The following CNTN5 variants were observed in gnomAD, a reference collection of about 807,000 sequenced individuals.
CNTN5 encodes contactin-5.
In CNTN5, 77 loss-of-function variants were observed where a neutral mutation model predicts 129.1. The observed-to-expected ratio is 0.60, with a 90% CI of 0.50 to 0.72. The LOEUF is 0.72. Ranked by LOEUF, CNTN5 falls within the 30% of genes least tolerant of loss-of-function variation. The pLI, the probability that CNTN5 is intolerant of heterozygous loss-of-function variation, is 0.00. For missense variants in CNTN5, 1,478 were observed against 1,328.8 expected, an observed-to-expected ratio of 1.11 and a Z score of -1.75; for synonymous variants, 509 against 465.6, an observed-to-expected ratio of 1.09 and a Z score of -1.20.
chr11:99,785,035 G>C (rs188912866), intron 3 of CNTN5, among the ~76,000 whole-genome samples: 2 of 131,532 alleles, frequency 1.5e-5, no homozygotes, highest in African/African-American at 5.5e-5. Context: ...TCCTGACCTC[G>C]TGATCCGCCT....
intron 4 of CNTN5, among the ~76,000 whole-genome samples, chr11:99,839,372 G>A (rs1460825940): frequency 2.6e-5 from 4 of 152,060 alleles, no homozygotes; most frequent in African/African-American, 7.2e-5. Flanking sequence ...AGAACATATC[G>A]AAGGAGGCAG....
At chr11:99,755,290 C>T (rs150636841) in intron 3 of CNTN5, among the ~76,000 whole-genome samples, 34 of 152,200 alleles carry the variant, frequency 2.2e-4, no homozygotes, top group African/African-American at 8.2e-4. Context: ...AACTTTGTAA[C>T]AATTGACAGA....
intron 1 of CNTN5, among the ~76,000 whole-genome samples, chr11:99,047,988 C>G (rs1409793644): frequency 6.6e-6 from 1 of 151,210 alleles, no homozygotes; most frequent in South Asian, 2.1e-4. Context: ...TTTTTCATTT[C>G]TTTTCATGAA....
intron 6 of CNTN5, among the ~76,000 whole-genome samples, chr11:99,851,969 T>G (rs1237654653): frequency 1.3e-5 from 2 of 152,184 alleles, no homozygotes; most frequent in Non-Finnish European, 2.9e-5. Flanking sequence ...AATCCCAAAC[T>G]CCACAGTATA....
chr11:99,823,914 G>A (rs1372552323), intron 4 of CNTN5, among the ~76,000 whole-genome samples: 3 of 151,962 alleles, frequency 2.0e-5, no homozygotes, highest in African/African-American at 4.8e-5. Context: ...TTGTGTCAAT[G>A]ATACTGTGTA....
intron 6 of CNTN5, among the ~76,000 whole-genome samples, chr11:99,850,012 C>G (rs10894005): frequency 1.3e-5 from 2 of 151,754 alleles, no homozygotes; most frequent in African/African-American, 4.8e-5. Context: ...ACCTATGTAA[C>G]AAAAATTAAT....
intron 13 of CNTN5, among the ~76,000 whole-genome samples, chr11:100,130,362 G>A (rs776131816): frequency 2.0e-5 from 3 of 152,072 alleles, no homozygotes; most frequent in Admixed American, 6.6e-5. Context: ...CACAACAGAC[G>A]TAGTCCCTGC....
chr11:99,881,590 T>A (rs1048463643), intron 6 of CNTN5, among the ~76,000 whole-genome samples: 3 of 152,174 alleles, frequency 2.0e-5, no homozygotes, highest in Non-Finnish European at 2.9e-5. Context: ...TTAAACATTT[T>A]AAAAACTTGA....
At chr11:99,338,959 ATG>A (rs1367772867) in intron 2 of CNTN5, among the ~76,000 whole-genome samples, 2 of 118,132 alleles carry the variant, frequency 1.7e-5, no homozygotes, top group Admixed American at 9.1e-5. Context: ...TGTGATATAT[ATG>A]TGTGTGTTTG....
chr11:100,177,018 G>A (rs1022783260), intron 13 of CNTN5, among the ~76,000 whole-genome samples: 1 of 151,980 alleles, frequency 6.6e-6, no homozygotes, highest in Non-Finnish European at 1.5e-5. Flanking sequence ...CTGCTGAAGA[G>A]TATGTTATCT....
At chr11:99,998,164 G>T (rs1187360920) in intron 8 of CNTN5, among the ~76,000 whole-genome samples, 1 of 151,766 alleles carries the variant, frequency 6.6e-6, no homozygotes, top group Non-Finnish European at 1.5e-5. Context: ...GGGCAATCAG[G>T]CAGGAGAAGG....
intron 7 of CNTN5, among the ~76,000 whole-genome samples, chr11:99,934,928 A>G (rs868454622): frequency 0.023 from 1,955 of 84,408 alleles, 77 homozygotes; most frequent in Middle Eastern, 0.05. Flanking sequence ...ATATATATAT[A>G]TATATATATA....
rs112678820 is a variant in CNTN5, at chr11:100,126,130, T to C, written c.1580+51836T>C. 6.2e-3 allele frequency among the ~76,000 whole-genome samples: 945 copies of C among 152,280 alleles called. 8 individuals carry two copies. The highest frequency in any genetic ancestry group is 0.02 in the African/African-American group (830 of 41,574). ...GTGGTTTTAAAAGATCTTCTTGGTA[T>C]TGGTTTACAGTTGTATTCCACTGTG... On this transcript the variant is annotated intron_variant, in intron 13 of 24. Coordinates refer to ENST00000524871, the MANE Select transcript of CNTN5 (RefSeq NM_014361.4).
At position 99,750,476 on chromosome 11, in the gene CNTN5, A is replaced by C. The variant is rs561365569; in HGVS notation, c.56-69068A>C. ...ACAAGTTTTATGAATTCCAGGAATA[A>C]TGTGTTTAAAGTTTAAGAAATTTGA... On this transcript the variant is annotated intron_variant, in intron 3 of 24. Coordinates refer to ENST00000524871, the MANE Select transcript of CNTN5 (RefSeq NM_014361.4). Among the ~76,000 whole-genome samples the C allele has an allele frequency of 3.9e-5, 6 of 152,094 alleles. No individual in the cohort carries two copies. The South Asian group carries it at 1.2e-3, about 32-fold the overall frequency.
intron 2 of CNTN5, among the ~76,000 whole-genome samples, chr11:99,505,208 G>C (rs1946572660): frequency 6.6e-6 from 1 of 151,966 alleles, no homozygotes; most frequent in South Asian, 2.1e-4. Context: ...TTAAAGAATG[G>C]GTGACCATTT....
chr11:99,819,647 A>T lies in CNTN5; in HGVS notation c.159A>T (p.Arg53=). 1 of 1,613,044 alleles carries T rather than the reference A, an allele frequency of 6.2e-7. No individual in the cohort carries two copies. The highest frequency in any genetic ancestry group is 8.5e-7 in the Non-Finnish European group (1 of 1,179,830). The change falls in exon 4 of 25, where the codon CGA becomes CGT. Residue 53 remains arginine, a synonymous_variant. Transcript: ENST00000524871. Reference sequence around the variant, plus strand: ...TCTTTGGTTCCAAAACCAGACCACGATACAGCAGCCCTTCATTAGGAACAC... The same window carrying T: ...TCTTTGGTTCCAAAACCAGACCACGTTACAGCAGCCCTTCATTAGGAACAC... ...SSLFGSKTRP[R]YSSPSLGTLS... is the part of the protein sequence containing the mutation.
intron 2 of CNTN5, among the ~76,000 whole-genome samples, chr11:99,406,399 GTC>G (rs138667399): frequency 6.7e-5 from 10 of 149,968 alleles, no homozygotes; most frequent in East Asian, 4.0e-4. Context: ...CCCAAACAGA[GTC>G]TCTCTCTCTC....
rs980165557 is a variant in CNTN5, at chr11:100,002,025, C to T, written c.878-9C>T. On this transcript the variant is annotated splice_polypyrimidine_tract_variant and intron_variant, in intron 8 of 24. Transcript: ENST00000524871. Reference sequence around the variant, plus strand: ...ATTTGATGCTTAAAGACTATTCTTTCTTTCTAAGGTGTGATGGGAGAATAT... The same window carrying T: ...ATTTGATGCTTAAAGACTATTCTTTTTTTCTAAGGTGTGATGGGAGAATAT... 2 of 1,551,386 alleles carry T rather than the reference C, an allele frequency of 1.3e-6. No homozygotes were observed. The highest frequency in any genetic ancestry group is 4.6e-5 in the East Asian group (2 of 43,362).
At chr11:99,614,678 C>T (rs1022352617) in intron 3 of CNTN5, among the ~76,000 whole-genome samples, 5 of 152,148 alleles carry the variant, frequency 3.3e-5, no homozygotes, top group South Asian at 2.1e-4. Context: ...CTTTGCTCCT[C>T]GATCCAGGTG....
Sources: allele counts gnomAD v4.1 joint callset (sites outside exome capture counted in the v4.1 genomes callset), GRCh38; gene constraint gnomAD v4.1.1; transcripts MANE v1.5; gene names NCBI Gene and HGNC (gene_info 2026-07-23, HGNC 2026-07-21).